NLRP4: variants seen among roughly 807,000 people sequenced by gnomAD.
NLRP4 encodes the protein NACHT, LRR and PYD domains-containing protein 4.
Under a neutral mutation model 84.7 loss-of-function variants are expected in NLRP4, and 44 were observed. That is an observed-to-expected ratio of 0.52 (90% CI 0.41 to 0.67). NLRP4 has a LOEUF of 0.67. NLRP4 is among the 30% of genes least tolerant of loss of function. The probability of loss-of-function intolerance (pLI) is 0.00; values close to 1 mark genes in which losing one functional copy is unlikely to be tolerated. For missense variants in NLRP4, 1,260 were observed against 1,219.4 expected (o/e 1.03, Z -0.50); for synonymous variants, 544 against 476.4 (o/e 1.14, Z -1.85).
intron 2 of NLRP4, among the ~76,000 whole-genome samples, chr19:55,853,654 C>T (rs1984258266): frequency 6.6e-6 from 1 of 152,238 alleles, no homozygotes; most frequent in South Asian, 2.1e-4. Context: ...AAGTGATCCT[C>T]CTGCCTTGGC....
At position 55,852,478 on chromosome 19, in the gene NLRP4, T is replaced by A; in HGVS notation, c.280+118T>A. On this transcript the variant is annotated intron_variant, in intron 2 of 9. Transcript: ENST00000301295. Reference sequence around the variant, plus strand: ...AATGTGCTATGGGAAAATATTAGGTTTTTTTTTTTTTTTTTTTGGTAGACG... The same window carrying A: ...AATGTGCTATGGGAAAATATTAGGTATTTTTTTTTTTTTTTTTGGTAGACG... 4.5e-5 allele frequency: 10 copies of A among 220,502 alleles called. No individual in the cohort carries two copies. The African/African-American group carries it at 6.9e-4, about 15-fold the overall frequency. The allele number at this position is 220,502 out of a possible 1,614,324, so 13.7% of individuals were successfully genotyped here.
intron 2 of NLRP4, among the ~76,000 whole-genome samples, chr19:55,853,147 T>A (rs551850934): frequency 2.6e-5 from 4 of 152,372 alleles, no homozygotes; most frequent in Non-Finnish European, 4.4e-5. Flanking sequence ...TAACTGTTAC[T>A]TTGCACATTT....
In NLRP4 at chr19:55,859,222, TTAAG is replaced by T; in HGVS notation, c.1830_1833del (p.Phe610LeufsTer46). 6.2e-7 allele frequency: 1 copy of T among 1,604,704 alleles called. No individual in the cohort carries two copies. Among genetic ancestry groups the T allele is most frequent in the Non-Finnish European group, 8.5e-7 (1 of 1,172,116 alleles). On this transcript the variant is annotated frameshift_variant, in exon 3 of 10. Coordinates refer to ENST00000301295, the MANE Select transcript of NLRP4 (RefSeq NM_134444.5). LOFTEE classifies it high-confidence loss of function. ...CTCTGTTTTTCCGTTCAAAATGTCT[TTAAG>T]AAAGAGGATGAACACAGCTCTACGT...
intron 2 of NLRP4, among the ~76,000 whole-genome samples, chr19:55,856,511 CTTTTTT>C (rs71182923): frequency 1.8e-5 from 2 of 112,214 alleles, no homozygotes; most frequent in African/African-American, 3.8e-5. Flanking sequence ...GTTGCTGGAT[CTTTTTT>C]TTTTTTTTTT....
rs573305178 is a variant in NLRP4 at position 55,874,394 on chromosome 19, G to T, written c.2526-2602G>T. On this transcript the variant is annotated intron_variant, in intron 7 of 9. Coordinates refer to ENST00000301295, the MANE Select transcript of NLRP4 (RefSeq NM_134444.5). ...AGACAAGCTACATTCCAAGTGCTCA[G>T]TGGTCACACGTGGCTGGCTATCACA... is the stretch of plus-strand genomic sequence containing the variant. Among the ~76,000 whole-genome samples, 7 of 152,062 alleles carry T rather than the reference G, an allele frequency of 4.6e-5. 1 individual carries two copies. In the South Asian group the frequency reaches 1.2e-3, roughly 27 times the overall value.
intron 1 of NLRP4, among the ~76,000 whole-genome samples, chr19:55,838,903 TTG>T (rs981628736): frequency 3.3e-5 from 5 of 152,188 alleles, no homozygotes; most frequent in African/African-American, 1.2e-4. Context: ...TTTTTAATTT[TTG>T]CATTTGTTTT....
In NLRP4 at chr19:55,858,329, C is replaced by T. The variant is rs773530262; in HGVS notation, c.936C>T (p.Cys312=). The change falls in exon 3 of 10, where the codon TGC becomes TGT. Residue 312 remains cysteine (C), a synonymous_variant. Coordinates refer to ENST00000301295, the MANE Select transcript of NLRP4 (RefSeq NM_134444.5). This position sits in a 1 kb window ranked among gnomAD's most constrained non-coding sequence, Gnocchi z 4.2. ...AGAGTGATAGGTTAGTGTATTTCTG[C>T]TGTTTCTTCAAAGACCCGAAAAGAG... ...FNESDRLVYF[C]CFFKDPKRAM... is the part of the protein sequence containing the mutation. 32 of 1,614,008 alleles carry T rather than the reference C, an allele frequency of 2.0e-5. No homozygotes were observed. Among genetic ancestry groups the T allele is most frequent in the Non-Finnish European group, 5.1e-6 (6 of 1,180,002 alleles).
In NLRP4 at chr19:55,858,061, C is replaced by T. The variant is rs770920224; in HGVS notation, c.668C>T (p.Pro223Leu). Reference sequence around the variant, plus strand: ...CCTATAACAGAGATCGTGTCTCAACCGGAGAGACTCTTGTTCGTCATCGAC... The same window carrying T: ...CCTATAACAGAGATCGTGTCTCAACTGGAGAGACTCTTGTTCGTCATCGAC... Reference protein sequence around the residue: ...AAPITEIVSQPERLLFVIDSF... With the variant: ...AAPITEIVSQLERLLFVIDSF... Residue 223 changes from proline (P) to leucine (L), a missense_variant, in exon 3 of 10, where the codon CCG (proline) becomes CTG (leucine). Coordinates refer to ENST00000301295, the MANE Select transcript of NLRP4 (RefSeq NM_134444.5). The surrounding 1 kb of genome is among the most constrained non-coding windows in gnomAD (Gnocchi z 4.2). The T allele has an allele frequency of 1.3e-5, 21 of 1,614,030 alleles. No homozygotes were observed. Among genetic ancestry groups the T allele is most frequent in the East Asian group, 6.7e-5 (3 of 44,894 alleles).
chr19:55,837,784 C>G (rs1983424562), intron 1 of NLRP4, among the ~76,000 whole-genome samples: 1 of 152,114 alleles, frequency 6.6e-6, no homozygotes, highest in African/African-American at 2.4e-5. Context: ...GCCTGTAACA[C>G]CAGCACTTTG....
At chr19:55,855,839 A>G (rs919997666) in intron 2 of NLRP4, among the ~76,000 whole-genome samples, 5 of 152,362 alleles carry the variant, frequency 3.3e-5, no homozygotes, top group East Asian at 3.9e-4. Context: ...TGTAAGAACT[A>G]TAGTATCAGG....
intron 5 of NLRP4, among the ~76,000 whole-genome samples, chr19:55,867,420 A>G (rs1985002074): frequency 6.7e-6 from 1 of 149,296 alleles, no homozygotes; most frequent in Non-Finnish European, 1.5e-5. Flanking sequence ...TCTGTACCCC[A>G]GAGACCGTAA....
chr19:55,840,666 G>C (rs1329742309), intron 1 of NLRP4, among the ~76,000 whole-genome samples: 1 of 152,128 alleles, frequency 6.6e-6, no homozygotes, highest in Non-Finnish European at 1.5e-5. Context: ...CCAAAGTGCT[G>C]GGATTATAGG....
At chr19:55,850,302 G>A (rs1984031427) in intron 1 of NLRP4, among the ~76,000 whole-genome samples, 1 of 98,452 alleles carries the variant, frequency 1.0e-5, no homozygotes, top group Non-Finnish European at 1.8e-5. Flanking sequence ...TGGCTGCGGT[G>A]TAATGTCCGT....
Position 55,876,244 on chromosome 19 carries a change from C to T in NLRP4, c.2526-752C>T, listed in dbSNP as rs575088899. ...AGAGAGAGGATAGACCTCCAACAAACGATGCTGAGACAATTCAGTTGTCCC... is the reference window on the plus strand; with the variant it reads ...AGAGAGAGGATAGACCTCCAACAAATGATGCTGAGACAATTCAGTTGTCCC... On this transcript the variant is annotated intron_variant, in intron 7 of 9. Coordinates refer to ENST00000301295, the MANE Select transcript of NLRP4 (RefSeq NM_134444.5). Among the ~76,000 whole-genome samples the T allele has an allele frequency of 7.2e-5, 11 of 152,258 alleles. No homozygotes were observed. The South Asian group carries it at 2.1e-3, about 29-fold the overall frequency.
intron 9 of NLRP4, among the ~76,000 whole-genome samples, chr19:55,879,592 G>A (rs916638139): frequency 6.6e-6 from 1 of 152,192 alleles, no homozygotes; most frequent in Non-Finnish European, 1.5e-5. Context: ...GGAAGATGGT[G>A]CTTCCATGGT....
chr19:55,840,332 A>ATGTGTGTG (rs1456624090), intron 1 of NLRP4, among the ~76,000 whole-genome samples: 2 of 120,186 alleles, frequency 1.7e-5, no homozygotes, highest in African/African-American at 6.8e-5. Context: ...GTATAGACAT[A>ATGTGTGTG]TGTGTATGTG....
In NLRP4 at chr19:55,858,268, C is replaced by T. The variant is rs773620204; in HGVS notation, c.875C>T (p.Thr292Met). 5.3e-5 allele frequency: 85 copies of T among 1,614,022 alleles called. No individual in the cohort carries two copies. The highest frequency in any genetic ancestry group is 2.5e-4 in the East Asian group (11 of 44,882). ...CCGAAGGAGCTCCGGGATCAGGTGACGATCTCAGAAATCTACCAGCCCCGG... is the reference window on the plus strand; with the variant it reads ...CCGAAGGAGCTCCGGGATCAGGTGATGATCTCAGAAATCTACCAGCCCCGG... ...VCPKELRDQVTISEIYQPRGF... is the reference protein window; with the variant it reads ...VCPKELRDQVMISEIYQPRGF... The change falls in exon 3 of 10, where the codon ACG (threonine) becomes ATG (methionine). Residue 292 changes from threonine to methionine, a missense_variant. Transcript: ENST00000301295. This position sits in a 1 kb window ranked among gnomAD's most constrained non-coding sequence, Gnocchi z 4.2.
chr19:55,837,051 A>G (rs1337993120), intron 1 of NLRP4, 117 bp downstream of exon 1: 1 of 152,216 alleles, frequency 6.6e-6, no homozygotes, highest in African/African-American at 2.4e-5. Flanking sequence ...ATGTGATTTA[A>G]AAAGAAAATC....
At chr19:55,850,228 T>A (rs1239594819) in intron 1 of NLRP4, among the ~76,000 whole-genome samples, 237 of 132,464 alleles carry the variant, frequency 1.8e-3, no homozygotes, top group Non-Finnish European at 2.2e-3. Flanking sequence ...CGGTGTAATT[T>A]CCGTGGCTGC....
Sources: allele counts gnomAD v4.1 joint callset (sites outside exome capture counted in the v4.1 genomes callset), GRCh38; gene constraint gnomAD v4.1.1; non-coding constraint Gnocchi (gnomAD v3.1); transcripts MANE v1.5; gene names NCBI Gene and HGNC (gene_info 2026-07-23, HGNC 2026-07-21).